Variants in LTK observed in about 807,000 individuals in gnomAD.
LTK encodes leukocyte tyrosine kinase receptor.
Under a neutral mutation model 101.5 loss-of-function variants are expected in LTK, and 117 were observed. That is an observed-to-expected ratio of 1.15 (90% CI 0.99 to 1.34). The LOEUF is 1.34. Among genes scored for constraint, LTK ranks in the 40% most tolerant of loss-of-function variants. The pLI is 0.00. For synonymous variants in LTK, 563 were observed against 494.2 expected, an observed-to-expected ratio of 1.14 and a Z score of -1.85; for missense variants, 1,252 against 1,164.7, an observed-to-expected ratio of 1.07 and a Z score of -1.09.
At chr15:41,512,074 C>A in intron 4 of LTK, 41 bp downstream of exon 4, 1 of 1,537,974 alleles carries the variant, frequency 6.5e-7, no homozygotes, top group Non-Finnish European at 8.8e-7. Context: ...AGCCCTCGCC[C>A]CCGGCGCCGG....
In LTK at chr15:41,511,525, C is replaced by G; in HGVS notation, c.711G>C (p.Arg237=). The G allele has an allele frequency of 2.7e-6, 4 of 1,466,590 alleles. No individual in the cohort carries two copies. The highest frequency in any genetic ancestry group is 3.6e-6 in the Non-Finnish European group (4 of 1,120,426). The allele number at this position is 1,466,590 out of a possible 1,614,324, so 90.8% of individuals were successfully genotyped here. The change falls in exon 6 of 20, where the codon CGG becomes CGC. Residue 237 remains arginine, a synonymous_variant. Transcript: ENST00000263800. This position sits in a 1 kb window ranked among gnomAD's most constrained non-coding sequence, Gnocchi z 5.9. ...CTCGGTCCCGCGGCCTCAGGTAGGCCCGACCGCCGCCTCCGGCCGCCACCA... is the reference window on the plus strand; with the variant it reads ...CTCGGTCCCGCGGCCTCAGGTAGGCGCGACCGCCGCCTCCGGCCGCCACCA... ...PLLVAAGGGG[R]AYLRPRDRGR... is the part of the protein sequence containing the mutation.
rs558503543 is a variant in LTK at position 41,512,830 on chromosome 15, T to C, written c.236A>G (p.His79Arg). 3 of 1,612,278 alleles carry C rather than the reference T, an allele frequency of 1.9e-6. No homozygotes were observed. The highest frequency in any genetic ancestry group is 2.7e-5 in the African/African-American group (2 of 74,984). Reference protein sequence around the residue: ...LFSTCGASGRHGPTQTQCDGA... With the variant: ...LFSTCGASGRRGPTQTQCDGA... The stretch of plus-strand genomic sequence containing the variant: ...GTCACATTGTGTCTGTGTGGGCCCA[T>C]GCCGGCCGCTGGCCCCGCAGGTAGA... Residue 79 changes from histidine (H) to arginine (R), a missense_variant, in exon 3 of 20, where the codon CAT (histidine) becomes CGT (arginine). His to Arg is a conservative substitution (Grantham distance 29). Transcript: ENST00000263800.
Position 41,504,422 on chromosome 15 carries a change from T to C in LTK, c.2266A>G (p.Met756Val). The C allele has an allele frequency of 6.2e-7, 1 of 1,614,138 alleles. No individual in the cohort carries two copies. The highest frequency in any genetic ancestry group is 1.1e-5 in the South Asian group (1 of 91,088). Residue 756 changes from methionine to valine, a missense_variant, in exon 19 of 20, where the codon ATG becomes GTG. Coordinates refer to ENST00000263800, the MANE Select transcript of LTK (RefSeq NM_002344.6). ...GGCTCGTGCTGCCAACACTGGGTCATGATGCGGTACCTGGGGAGAGGCAGG... is the reference window on the plus strand; with the variant it reads ...GGCTCGTGCTGCCAACACTGGGTCACGATGCGGTACCTGGGGAGAGGCAGG... Reference protein sequence around the residue: ...RGCPGPVYRIMTQCWQHEPEL... With the variant: ...RGCPGPVYRIVTQCWQHEPEL...
chr15:41,511,860 G>T lies in LTK; in HGVS notation c.614C>A (p.Ala205Glu). Residue 205 changes from alanine to glutamate, a missense_variant, in exon 5 of 20, where the codon GCG becomes GAG. Ala to Glu is a moderately radical substitution (Grantham distance 107). Transcript: ENST00000263800. This position sits in a 1 kb window ranked among gnomAD's most constrained non-coding sequence, Gnocchi z 5.9. ...SEGVPGSRRW[A>E]GGGGGGGGAT... ...GCCCCCGCCACCCCCGCCACCTCCCGCCCAGCGCCGCGACCCCGGGACCCC... is the reference window on the plus strand; with the variant it reads ...GCCCCCGCCACCCCCGCCACCTCCCTCCCAGCGCCGCGACCCCGGGACCCC... The T allele has an allele frequency of 1.8e-6, 1 of 550,040 alleles. No homozygotes were observed. 34.1% of individuals were successfully genotyped at this position (550,040 alleles called of 1,614,324 possible).
chr15:41,511,793 C>G lies in LTK; in HGVS notation c.657+24G>C. On this transcript the variant is annotated intron_variant, in intron 5 of 19. Transcript: ENST00000263800. This position sits in a 1 kb window ranked among gnomAD's most constrained non-coding sequence, Gnocchi z 5.9. ...TGGGGAGAGGATTGGGACCCCAACG[C>G]TGAGCGCCGAAGGGAGCACGTACCC... The G allele has an allele frequency of 6.7e-7, 1 of 1,487,298 alleles. No individual in the cohort carries two copies. The highest frequency in any genetic ancestry group is 8.9e-7 in the Non-Finnish European group (1 of 1,129,152). The allele number at this position is 1,487,298 out of a possible 1,614,324, so 92.1% of individuals were successfully genotyped here. A position where few individuals can be genotyped will look rare whatever the true frequency, so the allele number is the denominator to read the frequency against.
Position 41,511,652 on chromosome 15 carries a change from C to A in LTK, c.658-74G>T. ...GGCACTGCCACTGGGAGAGGGCTCC[C>A]GCCCAGGGGGCCTGGATAAGGGCAG... On this transcript the variant is annotated intron_variant, in intron 5 of 19. Transcript: ENST00000263800. This position sits in a 1 kb window ranked among gnomAD's most constrained non-coding sequence, Gnocchi z 5.9. 1 of 1,397,958 alleles carries A rather than the reference C, an allele frequency of 7.2e-7. No homozygotes were observed. The highest frequency in any genetic ancestry group is 1.5e-5 in the African/African-American group (1 of 65,752). The allele number at this position is 1,397,958 out of a possible 1,614,324, so 86.6% of individuals were successfully genotyped here. A position where few individuals can be genotyped will look rare whatever the true frequency, so the allele number is the denominator to read the frequency against.
rs1306023385 is a variant in LTK at position 41,507,045 on chromosome 15, AGGT to A, written c.1541+47_1541+49del. On this transcript the variant is annotated intron_variant, in intron 11 of 19. Coordinates refer to ENST00000263800, the MANE Select transcript of LTK (RefSeq NM_002344.6). ...TTCACTACAGCAGGGAGAGAATCAG[AGGT>A]GGGGATTCAGAGTGCATAGGTTCTC... The A allele has an allele frequency of 5.3e-6, 8 of 1,521,252 alleles. No individual in the cohort carries two copies. In the East Asian group the frequency reaches 1.8e-4, roughly 34 times the overall value. 94.2% of individuals were successfully genotyped at this position (1,521,252 alleles called of 1,614,324 possible). A position where few individuals can be genotyped will look rare whatever the true frequency, so the allele number is the denominator to read the frequency against.
At chr15:41,507,496 A>T in intron 10 of LTK, 66 bp downstream of exon 10, 1 of 1,585,350 alleles carries the variant, frequency 6.3e-7, no homozygotes. Flanking sequence ...GACCCCGCAG[A>T]AACCCATCCC....
chr15:41,505,380 G>GT (rs750678804), intron 14 of LTK, 21 bp downstream of exon 14: 3 of 1,613,516 alleles, frequency 1.9e-6, no homozygotes, highest in Admixed American at 3.3e-5. Context: ...GGGCCTGGGG[G>GT]GGCTAAGACA....
intron 13 of LTK, 42 bp from the exon 14 acceptor site, chr15:41,505,572 C>A (rs761058640): frequency 2.5e-6 from 4 of 1,611,734 alleles, no homozygotes; most frequent in Non-Finnish European, 3.4e-6. Context: ...AGGAGGGAGA[C>A]GGAAACCATG....
Position 41,504,247 on chromosome 15 carries a change from G to A in LTK, c.2347-3C>T. 1.2e-6 allele frequency: 2 copies of A among 1,606,960 alleles called. No individual in the cohort carries two copies. Among genetic ancestry groups the A allele is most frequent in the South Asian group, 1.1e-5 (1 of 90,750 alleles). ...AGTGAATTCAGCACATCCGGGTCCT[G>A]TAATGGAAGAGTCAGGGAGCAGGGG... On this transcript the variant is annotated splice_polypyrimidine_tract_variant and splice_region_variant and intron_variant, in intron 19 of 19. Coordinates refer to ENST00000263800, the MANE Select transcript of LTK (RefSeq NM_002344.6).
chr15:41,511,681 CCCCCAGCCCAGCCCAGGCCA>C lies in LTK; in HGVS notation c.657+116_658-104del. Reference sequence around the variant, plus strand: ...CAGGGGGCCTGGATAAGGGCAGGGGCCCCCAGCCCAGCCCAGGCCAGCCCAGCCCAGCGCAGGGATAGGGG... The same window carrying C: ...CAGGGGGCCTGGATAAGGGCAGGGGCGCCCAGCCCAGCGCAGGGATAGGGG... On this transcript the variant is annotated intron_variant, in intron 5 of 19. Coordinates refer to ENST00000263800, the MANE Select transcript of LTK (RefSeq NM_002344.6). The surrounding 1 kb of genome is among the most constrained non-coding windows in gnomAD (Gnocchi z 5.9). 7.1e-7 allele frequency: 1 copy of C among 1,401,846 alleles called. No individual in the cohort carries two copies. The highest frequency in any genetic ancestry group is 9.2e-7 in the Non-Finnish European group (1 of 1,084,366). The allele number at this position is 1,401,846 out of a possible 1,614,324, so 86.8% of individuals were successfully genotyped here.
Position 41,511,697 on chromosome 15 carries a change from G to C in LTK, c.658-119C>G. The C allele has an allele frequency of 7.1e-7, 1 of 1,405,776 alleles. No homozygotes were observed. 87.1% of individuals were successfully genotyped at this position (1,405,776 alleles called of 1,614,324 possible). ...GGGCAGGGGCCCCCAGCCCAGCCCAGGCCAGCCCAGCCCAGCGCAGGGATA... is the reference window on the plus strand; with the variant it reads ...GGGCAGGGGCCCCCAGCCCAGCCCACGCCAGCCCAGCCCAGCGCAGGGATA... On this transcript the variant is annotated intron_variant, in intron 5 of 19. Transcript: ENST00000263800. This position sits in a 1 kb window ranked among gnomAD's most constrained non-coding sequence, Gnocchi z 5.9.
In LTK at chr15:41,513,772, A is replaced by G; in HGVS notation, c.-63T>C. 2 of 1,428,000 alleles carry G rather than the reference A, an allele frequency of 1.4e-6. No individual in the cohort carries two copies. Among genetic ancestry groups the G allele is most frequent in the African/African-American group, 2.8e-5 (2 of 71,556 alleles). 88.5% of individuals were successfully genotyped at this position (1,428,000 alleles called of 1,614,324 possible). On this transcript the variant is annotated 5_prime_UTR_variant, in exon 1 of 20. Coordinates refer to ENST00000263800, the MANE Select transcript of LTK (RefSeq NM_002344.6). ...TCGCGGCCACACCCCTGTCAACCTA[A>G]AGTTGACAGCTCATTTTGCCACGGC...
chr15:41,513,233 C>A (rs1257319971), intron 1 of LTK, 113 bp from the exon 2 acceptor site: 2 of 1,245,082 alleles, frequency 1.6e-6, no homozygotes, highest in East Asian at 3.0e-5. Flanking sequence ...ACCCGTCACC[C>A]GGCCCAGCCG....
chr15:41,508,221 A>G lies in LTK; in HGVS notation c.1097T>C (p.Val366Ala), dbSNP rs753716265. 3 of 1,609,248 alleles carry G rather than the reference A, an allele frequency of 1.9e-6. No homozygotes were observed. The highest frequency in any genetic ancestry group is 2.5e-6 in the Non-Finnish European group (3 of 1,177,964). The change falls in exon 9 of 20, where the codon GTC becomes GCC. Residue 366 changes from valine (V) to alanine (A), a missense_variant and splice_region_variant. Physicochemically the swap from Val to Ala is moderately conservative, Grantham distance 64. Coordinates refer to ENST00000263800, the MANE Select transcript of LTK (RefSeq NM_002344.6). Reference protein sequence around the residue: ...SSELFLQPLAVTENHGEVEIR... With the variant: ...SSELFLQPLAATENHGEVEIR... ...CTCTACCTCTCCGTGGTTCTCGGTGACTGTGAGTAAAAGAACTGATATGAT... is the reference window on the plus strand; with the variant it reads ...CTCTACCTCTCCGTGGTTCTCGGTGGCTGTGAGTAAAAGAACTGATATGAT...
intron 1 of LTK, 130 bp downstream of exon 1, chr15:41,513,537 G>A (rs372388196): frequency 1.5e-5 from 13 of 844,774 alleles, no homozygotes; most frequent in South Asian, 2.9e-5. Flanking sequence ...AGCACGGACC[G>A]GAGAAATTTG....
In LTK at chr15:41,505,452, C is replaced by G; in HGVS notation, c.1776G>C (p.Leu592=). 1.2e-6 allele frequency: 2 copies of G among 1,614,128 alleles called. No individual in the cohort carries two copies. Among genetic ancestry groups the G allele is most frequent in the Non-Finnish European group, 1.7e-6 (2 of 1,180,006 alleles). ...AACTCTTCATGTCCCCTCCAGACAT[C>G]AGTTCCAGCAGAATGAGGCGAGGGG... ...RATPRLILLE[L]MSGGDMKSFL... is the part of the protein sequence containing the mutation. The change falls in exon 14 of 20, where the codon CTG becomes CTC. Residue 592 remains leucine, a synonymous_variant. Transcript: ENST00000263800.
chr15:41,511,942 C>A lies in LTK; in HGVS notation c.532G>T (p.Val178Phe). 6.7e-7 allele frequency: 1 copy of A among 1,492,424 alleles called. No homozygotes were observed. The highest frequency in any genetic ancestry group is 8.8e-7 in the Non-Finnish European group (1 of 1,135,632). 92.4% of individuals were successfully genotyped at this position (1,492,424 alleles called of 1,614,324 possible). A position where few individuals can be genotyped will look rare whatever the true frequency, so the allele number is the denominator to read the frequency against. ...ACGGCTCGAGACTCCCCGAGGCAGA[C>A]GAGCTGGCTCTCCGGGCTACCCTGC... ...CPGGSPESQL[V>F]CLGESRAVEE... Residue 178 changes from valine to phenylalanine, a missense_variant, in exon 5 of 20, where the codon GTC (valine) becomes TTC (phenylalanine). Coordinates refer to ENST00000263800, the MANE Select transcript of LTK (RefSeq NM_002344.6). This position sits in a 1 kb window ranked among gnomAD's most constrained non-coding sequence, Gnocchi z 5.9.
Sources: gnomAD v4.1 joint callset for allele counts on GRCh38, gnomAD v4.1.1 for gene constraint, Gnocchi (gnomAD v3.1) non-coding constraint, MANE v1.5 for transcripts, NCBI Gene and HGNC (gene_info 2026-07-23, HGNC 2026-07-21) for gene names.